Variants in FBXO21 observed in about 807,000 individuals in gnomAD.
FBXO21 encodes the protein F-box only protein 21.
FBXO21 carries 32 observed loss-of-function variants against 76.6 expected under a neutral mutation model. That is an observed-to-expected ratio of 0.42 (90% confidence interval 0.32 to 0.56). FBXO21 has a LOEUF of 0.56. Ranked by LOEUF, FBXO21 falls within the 20% of genes least tolerant of loss-of-function variation. FBXO21 has a pLI of 0.16. For synonymous variants in FBXO21, 328 were observed against 311.5 expected, an observed-to-expected ratio of 1.05 and a Z score of -0.56; for missense variants, 586 against 797.3, an observed-to-expected ratio of 0.73 and a Z score of 3.19.
At chr12:117,147,989 G>A (rs1354656531) in intron 11 of FBXO21, among the ~76,000 whole-genome samples, 6 of 152,222 alleles carry the variant, frequency 3.9e-5, no homozygotes, top group Admixed American at 6.5e-5. Context: ...GAACAGCGTG[G>A]CCTATTATTT....
At chr12:117,190,130 G>A (rs1478736040) in intron 1 of FBXO21, 88 bp downstream of exon 1, 7 of 664,936 alleles carry the variant, frequency 1.1e-5, no homozygotes, top group African/African-American at 6.0e-5. Context: ...CGCGCGGGGC[G>A]GCCGCGGGGA....
chr12:117,145,796 C>A lies in FBXO21; in HGVS notation c.*291G>T, dbSNP rs1955762719. On this transcript the variant is annotated 3_prime_UTR_variant, in exon 12 of 12. Transcript: ENST00000622495. Reference sequence around the variant, plus strand: ...ATTACAGGAGCGTCGACTGTGAGACCTCATGAAGACAGAATGTCACAAACT... The same window carrying A: ...ATTACAGGAGCGTCGACTGTGAGACATCATGAAGACAGAATGTCACAAACT... 2 of 252,748 alleles carry A rather than the reference C, an allele frequency of 7.9e-6. No individual in the cohort carries two copies. The highest frequency in any genetic ancestry group is 2.2e-5 in the African/African-American group (1 of 45,012). 15.7% of individuals were successfully genotyped at this position (252,748 alleles called of 1,614,324 possible).
At chr12:117,152,575 G>A (rs560813444) in intron 11 of FBXO21, among the ~76,000 whole-genome samples, 27 of 151,288 alleles carry the variant, frequency 1.8e-4, no homozygotes, top group Middle Eastern at 3.4e-3. Context: ...TAATAAGAGA[G>A]ACTAAAGAGA....
chr12:117,182,560 G>A (rs1484033316), intron 3 of FBXO21, among the ~76,000 whole-genome samples: 2 of 125,306 alleles, frequency 1.6e-5, no homozygotes, highest in Admixed American at 9.3e-5. Context: ...CACAGCAAGA[G>A]GATCTTTTTT....
chr12:117,188,281 AC>A (rs1318529584), intron 2 of FBXO21, among the ~76,000 whole-genome samples: 2 of 152,246 alleles, frequency 1.3e-5, no homozygotes, highest in Non-Finnish European at 2.9e-5. Context: ...ACGGTGGCTC[AC>A]GCCTGTAATC....
intron 11 of FBXO21, among the ~76,000 whole-genome samples, chr12:117,147,916 C>T (rs902507158): frequency 2.3e-4 from 35 of 152,308 alleles, no homozygotes; most frequent in African/African-American, 7.5e-4. Flanking sequence ...GCCCATCACT[C>T]GAATGAACGC....
chr12:117,166,802 A>T (rs1956058269), intron 8 of FBXO21, 96 bp downstream of exon 8: 1 of 1,014,610 alleles, frequency 9.9e-7, no homozygotes, highest in African/African-American at 1.6e-5. Flanking sequence ...TACTGCAAAG[A>T]TCTCAACGAA....
intron 7 of FBXO21, among the ~76,000 whole-genome samples, chr12:117,171,930 G>A (rs1446076409): frequency 6.6e-6 from 1 of 152,142 alleles, no homozygotes; most frequent in Non-Finnish European, 1.5e-5. Context: ...CAGTAACCAG[G>A]TCTCTAAAAT....
chr12:117,190,291 A>C lies in FBXO21; in HGVS notation c.166T>G (p.Ser56Ala), dbSNP rs762999625. Residue 56 changes from serine (S) to alanine (A), a missense_variant, in exon 1 of 12, where the codon TCC becomes GCC. Ser to Ala is a moderately conservative substitution (Grantham distance 99). This residue lies in a region of FBXO21 where 152 missense variants were observed against 127.2 expected (regional missense o/e 1.19). Transcript: ENST00000622495. ...SLTAADIGRV[S>A]STCRRLRELC... ...TCGCGCAGCCGCCGGCAGGTGCTGG[A>C]GACACGGCCGATGTCGGCGGCCGTC... The C allele has an allele frequency of 9.2e-5, 141 of 1,538,544 alleles. No individual in the cohort carries two copies. The highest frequency in any genetic ancestry group is 1.1e-4 in the Non-Finnish European group (131 of 1,153,432).
Position 117,152,120 on chromosome 12 carries a change from C to G in FBXO21, c.1675+3671G>C, listed in dbSNP as rs182789590. 1.5e-3 allele frequency among the ~76,000 whole-genome samples: 224 copies of G among 151,162 alleles called. 1 individual carries two copies. Among genetic ancestry groups the G allele is most frequent in the African/African-American group, 5.2e-3 (216 of 41,518 alleles). On this transcript the variant is annotated intron_variant, in intron 11 of 11. Transcript: ENST00000622495. ...GGACTCAGACTTCACTCCCAGCTGG[C>G]AGACATCATACAGTTAAGGAACCAA...
At chr12:117,167,542 T>C (rs970623308) in intron 7 of FBXO21, among the ~76,000 whole-genome samples, 1 of 151,864 alleles carries the variant, frequency 6.6e-6, no homozygotes, top group Non-Finnish European at 1.5e-5. Context: ...GTGAGCAGAT[T>C]GTGACTAACA....
At chr12:117,178,873 G>A (rs959395957) in intron 3 of FBXO21, among the ~76,000 whole-genome samples, 2 of 151,904 alleles carry the variant, frequency 1.3e-5, no homozygotes, top group African/African-American at 4.8e-5. Context: ...TGCCCATCTC[G>A]CCCACTACAG....
At position 117,146,140 on chromosome 12, in the gene FBXO21, A is replaced by T. The variant is rs1955767070; in HGVS notation, c.1813T>A (p.Tyr605Asn). The change falls in exon 12 of 12, where the codon TAT becomes AAT. Residue 605 changes from tyrosine (Y) to asparagine (N), a missense_variant. By Grantham distance (143) the Tyr-to-Asn change is moderately radical. Coordinates refer to ENST00000622495, the MANE Select transcript of FBXO21 (RefSeq NM_015002.3). ...CTGTAAATATTCTGCACCGTTTCAT[A>T]GACAAACTCCAGATCTTCTGGATAC... ...IRYPEDLEFV[Y>N]ETVQNIYSAK... The T allele has an allele frequency of 1.2e-6, 2 of 1,613,754 alleles. No individual in the cohort carries two copies. Among genetic ancestry groups the T allele is most frequent in the Non-Finnish European group, 1.7e-6 (2 of 1,179,882 alleles).
chr12:117,150,956 T>TTGTGTGTGTG (rs3999685), intron 11 of FBXO21, among the ~76,000 whole-genome samples: 9 of 94,652 alleles, frequency 9.5e-5, no homozygotes, highest in Admixed American at 2.5e-4. Context: ...TCAAATAAGT[T>TTGTGTGTGTG]TGTGTGTGTG....
intron 11 of FBXO21, among the ~76,000 whole-genome samples, chr12:117,149,536 T>A (rs1203833628): frequency 6.6e-6 from 1 of 152,194 alleles, no homozygotes; most frequent in Non-Finnish European, 1.5e-5. Context: ...TAAAGGGACA[T>A]CTGGTAAGGC....
Position 117,145,066 on chromosome 12 carries a change from CCTT to C in FBXO21, c.*1018_*1020del, listed in dbSNP as rs1955753321. 1 of 121,950 alleles carries C rather than the reference CCTT, an allele frequency of 8.2e-6. No homozygotes were observed. The highest frequency in any genetic ancestry group is 2.8e-5 in the African/African-American group (1 of 35,746). The allele number at this position is 121,950 out of a possible 1,614,324, so 7.6% of individuals were successfully genotyped here. ...GAAACCACTTTTTTTCCCTTCAAAA[CCTT>C]TTTTTTTTTTTTTAAGGTTCATTAA... On this transcript the variant is annotated 3_prime_UTR_variant, in exon 12 of 12. Transcript: ENST00000622495.
chr12:117,174,483 T>C (rs528020510), intron 5 of FBXO21, 142 bp from the exon 6 acceptor site: 4 of 1,191,918 alleles, frequency 3.4e-6, no homozygotes, highest in East Asian at 4.7e-5. Context: ...GAAGGCAGTA[T>C]GTATTTGAAG....
intron 4 of FBXO21, 80 bp downstream of exon 4, chr12:117,177,440 C>T (rs1956187019): frequency 1.4e-6 from 2 of 1,434,136 alleles, no homozygotes; most frequent in Non-Finnish European, 9.5e-7. Context: ...ACAAGGAACA[C>T]AATTCCCTCT....
intron 9 of FBXO21, among the ~76,000 whole-genome samples, chr12:117,163,843 C>T (rs546685518): frequency 1.3e-5 from 2 of 152,070 alleles, no homozygotes; most frequent in South Asian, 4.1e-4. Flanking sequence ...ACTCGGTAGG[C>T]TAAGGCAGGG....
Sources: gnomAD v4.1 joint callset for allele counts (sites outside exome capture counted in the v4.1 genomes callset) on GRCh38, gnomAD v4.1.1 for gene constraint, gnomAD v4.1.1 regional missense constraint, MANE v1.5 for transcripts, NCBI Gene and HGNC (gene_info 2026-07-23, HGNC 2026-07-21) for gene names.